Variants in KCNJ3 observed in about 807,000 individuals in gnomAD.
KCNJ3 encodes potassium inwardly rectifying channel subfamily J member 3, also known as G protein-activated inward rectifier potassium channel 1.
A neutral mutation model predicts 39.2 loss-of-function variants in KCNJ3; 4 were observed. The ratio of observed to expected loss-of-function variants is 0.10; its 90% CI spans 0.05 to 0.23. The LOEUF (loss-of-function observed/expected upper bound fraction) is 0.23, where lower values mean the gene tolerates loss of function less well. KCNJ3 is among the 10% of genes least tolerant of loss of function. The probability of loss-of-function intolerance (pLI) is 1.00; values close to 1 mark genes in which losing one functional copy is unlikely to be tolerated. For synonymous variants in KCNJ3, 230 were observed against 237.4 expected, an observed-to-expected ratio of 0.97 and a Z score of 0.29; for missense variants, 276 against 634.9, an observed-to-expected ratio of 0.43 and a Z score of 6.08.
intron 2 of KCNJ3, among the ~76,000 whole-genome samples, chr2:154,767,474 T>G (rs781383715): frequency 6.6e-6 from 1 of 152,186 alleles, no homozygotes; most frequent in Admixed American, 6.5e-5. Flanking sequence ...CTGAGAATGA[T>G]GGTTTCCAGC....
intron 2 of KCNJ3, among the ~76,000 whole-genome samples, chr2:154,830,576 C>T (rs1456827136): frequency 6.6e-6 from 1 of 152,104 alleles, no homozygotes. Flanking sequence ...AGTGCTCTGT[C>T]AGCAGATCAG....
At chr2:154,804,507 C>A (rs1686876675) in intron 2 of KCNJ3, among the ~76,000 whole-genome samples, 1 of 152,048 alleles carries the variant, frequency 6.6e-6, no homozygotes, top group Non-Finnish European at 1.5e-5. Flanking sequence ...AGGAAATAGT[C>A]AGGTGAGTAA....
At chr2:154,785,881 T>C (rs556393690) in intron 2 of KCNJ3, among the ~76,000 whole-genome samples, 192 of 152,256 alleles carry the variant, frequency 1.3e-3, no homozygotes, top group African/African-American at 4.3e-3. Flanking sequence ...TATCTCCAAA[T>C]AGAGTGACAT....
chr2:154,836,013 C>A (rs1687452701), intron 2 of KCNJ3, among the ~76,000 whole-genome samples: 1 of 151,960 alleles, frequency 6.6e-6, no homozygotes, highest in African/African-American at 2.4e-5. Context: ...GAGTTTGAGA[C>A]CAGCCTGGCC....
intron 2 of KCNJ3, among the ~76,000 whole-genome samples, chr2:154,746,125 A>AATTTTCTACTT (rs1685737466): frequency 1.3e-5 from 2 of 152,070 alleles, no homozygotes; most frequent in African/African-American, 4.8e-5. Context: ...AATGAATAGT[A>AATTTTCTACTT]AATAGATTTT....
intron 2 of KCNJ3, among the ~76,000 whole-genome samples, chr2:154,833,119 G>C (rs904493095): frequency 6.6e-6 from 1 of 152,164 alleles, no homozygotes; most frequent in Non-Finnish European, 1.5e-5. Flanking sequence ...AAGCAGATTT[G>C]GTGGTAAATC....
At chr2:154,843,748 A>C (rs1435146203) in intron 2 of KCNJ3, among the ~76,000 whole-genome samples, 1 of 152,158 alleles carries the variant, frequency 6.6e-6, no homozygotes, top group Non-Finnish European at 1.5e-5. Context: ...AAGCTTGTGC[A>C]TGTGTCACGA....
At position 154,850,337 on chromosome 2, in the gene KCNJ3, A is replaced by G. The variant is rs192787568; in HGVS notation, c.920-4390A>G. ...TAACTAATTAGAATAAGAAATATAA[A>G]GCATTCTAATTCTAGAAGGAAGAAT... On this transcript the variant is annotated intron_variant, in intron 2 of 2. Coordinates refer to ENST00000295101, the MANE Select transcript of KCNJ3 (RefSeq NM_002239.4). Among the ~76,000 whole-genome samples the G allele has an allele frequency of 3.4e-3, 523 of 152,294 alleles. 2 individuals are homozygous for G. Among genetic ancestry groups the G allele is most frequent in the Middle Eastern group, 6.8e-3 (2 of 294 alleles).
intron 2 of KCNJ3, among the ~76,000 whole-genome samples, chr2:154,780,280 C>T (rs184154178): frequency 2.2e-4 from 33 of 152,120 alleles, no homozygotes; most frequent in African/African-American, 8.0e-4. Flanking sequence ...CACTCTCGCA[C>T]AAGTTTATGT....
chr2:154,793,945 A>T (rs754252043), intron 2 of KCNJ3, among the ~76,000 whole-genome samples: 5 of 150,944 alleles, frequency 3.3e-5, no homozygotes, highest in South Asian at 2.1e-4. Flanking sequence ...GTATATATAT[A>T]TTTTTTTTTC....
chr2:154,840,846 G>A (rs1386183547), intron 2 of KCNJ3, among the ~76,000 whole-genome samples: 1 of 152,072 alleles, frequency 6.6e-6, no homozygotes, highest in African/African-American at 2.4e-5. Flanking sequence ...GAGATGATGG[G>A]GTTTTCTAAA....
At chr2:154,780,585 G>A (rs1170458269) in intron 2 of KCNJ3, among the ~76,000 whole-genome samples, 1 of 151,670 alleles carries the variant, frequency 6.6e-6, no homozygotes, top group Admixed American at 6.6e-5. Flanking sequence ...AGTGCAGTGG[G>A]TTAGCAAGAG....
intron 2 of KCNJ3, among the ~76,000 whole-genome samples, chr2:154,771,005 C>G (rs1295498543): frequency 6.6e-6 from 1 of 151,530 alleles, no homozygotes; most frequent in East Asian, 1.9e-4. Flanking sequence ...ACTCTCCTGC[C>G]TCAGCCTCCC....
intron 2 of KCNJ3, among the ~76,000 whole-genome samples, chr2:154,771,061 T>G (rs1027381246): frequency 6.6e-6 from 1 of 152,020 alleles, no homozygotes; most frequent in African/African-American, 2.4e-5. Flanking sequence ...GGCTAATTTT[T>G]GTTATTTTTC....
At chr2:154,744,929 T>C (rs2105177312) in intron 2 of KCNJ3, among the ~76,000 whole-genome samples, 1 of 152,112 alleles carries the variant, frequency 6.6e-6, no homozygotes, top group East Asian at 1.9e-4. Flanking sequence ...TGTTGTATTT[T>C]CATTTTAATG....
intron 2 of KCNJ3, among the ~76,000 whole-genome samples, chr2:154,717,260 A>G (rs1206590895): frequency 6.6e-6 from 1 of 152,170 alleles, no homozygotes; most frequent in Non-Finnish European, 1.5e-5. Context: ...GTCTAGGGGA[A>G]CTGACTGGAG....
At chr2:154,790,507 T>A (rs990167447) in intron 2 of KCNJ3, among the ~76,000 whole-genome samples, 3 of 152,106 alleles carry the variant, frequency 2.0e-5, no homozygotes, top group Non-Finnish European at 2.9e-5. Flanking sequence ...TAGAAGGGTA[T>A]GTTGATAGGA....
intron 2 of KCNJ3, among the ~76,000 whole-genome samples, chr2:154,758,001 TA>T (rs1022036507): frequency 3.3e-5 from 5 of 152,180 alleles, no homozygotes; most frequent in Non-Finnish European, 5.9e-5. Flanking sequence ...AGATGGCACT[TA>T]AAAAATTATA....
intron 2 of KCNJ3, among the ~76,000 whole-genome samples, chr2:154,748,989 A>G (rs1031607770): frequency 6.6e-6 from 1 of 152,138 alleles, no homozygotes; most frequent in African/African-American, 2.4e-5. Flanking sequence ...AGAACTACCA[A>G]TATTTTTATT....
Sources: gnomAD v4.1 joint callset for allele counts (sites outside exome capture counted in the v4.1 genomes callset) on GRCh38, gnomAD v4.1.1 for gene constraint, MANE v1.5 for transcripts, NCBI Gene and HGNC (gene_info 2026-07-23, HGNC 2026-07-21) for gene names.